The following RAB3C variants were observed in gnomAD, a reference collection of about 807,000 sequenced individuals.
RAB3C encodes the protein RAB3C, member RAS oncogene family, also known as ras-related protein Rab-3C.
In RAB3C, 17 loss-of-function variants were observed where a neutral mutation model predicts 26.4. That is an observed-to-expected ratio of 0.64 (90% CI 0.44 to 0.97). The LOEUF is 0.97. Ranked by LOEUF, RAB3C falls within the 50% of genes least tolerant of loss-of-function variation. RAB3C has a pLI of 0.00. For missense variants in RAB3C, 242 were observed against 281.9 expected (o/e 0.86, Z 1.01); for synonymous variants, 91 against 95.9 (o/e 0.95, Z 0.30).
At position 58,857,327 on chromosome 5, in the gene RAB3C, G is replaced by A. The variant is rs1744286271; in HGVS notation, c.*5976G>A. The stretch of plus-strand genomic sequence containing the variant: ...TATAAAACCAAACATTTAGTATCTG[G>A]AAATATGTGTCAATTTTATCTCTTA... On this transcript the variant is annotated 3_prime_UTR_variant, in exon 5 of 5. Coordinates refer to ENST00000282878, the MANE Select transcript of RAB3C (RefSeq NM_138453.4). 1 of 152,060 alleles carries A rather than the reference G, an allele frequency of 6.6e-6. No homozygotes were observed. Among genetic ancestry groups the A allele is most frequent in the African/African-American group, 2.4e-5 (1 of 41,412 alleles). 9.4% of individuals were successfully genotyped at this position (152,060 alleles called of 1,614,324 possible).
chr5:58,682,699 A>AAT (rs1164890300), intron 2 of RAB3C, among the ~76,000 whole-genome samples: 3 of 151,632 alleles, frequency 2.0e-5, no homozygotes, highest in Admixed American at 6.6e-5. Context: ...GAAAAAAGAA[A>AAT]AAAAAAAAAA....
chr5:58,818,645 T>A (rs559270305), intron 3 of RAB3C, among the ~76,000 whole-genome samples: 1 of 152,362 alleles, frequency 6.6e-6, no homozygotes, highest in Non-Finnish European at 1.5e-5. Flanking sequence ...TCCATTAATC[T>A]TGTTGAGATT....
chr5:58,683,244 A>C (rs780625971), intron 2 of RAB3C, among the ~76,000 whole-genome samples: 16 of 152,248 alleles, frequency 1.1e-4, no homozygotes, highest in Non-Finnish European at 1.9e-4. Flanking sequence ...CACTTTTATA[A>C]GTTTTAAAGC....
chr5:58,845,193 G>A (rs1743961718), intron 4 of RAB3C, among the ~76,000 whole-genome samples: 1 of 152,158 alleles, frequency 6.6e-6, no homozygotes, highest in Non-Finnish European at 1.5e-5. Flanking sequence ...CTGGCCTAAG[G>A]CCCTGCTTGC....
chr5:58,679,105 G>A (rs915700841), intron 2 of RAB3C, among the ~76,000 whole-genome samples: 24 of 152,174 alleles, frequency 1.6e-4, no homozygotes, highest in African/African-American at 5.6e-4. Flanking sequence ...ACAAGAACAC[G>A]ATGTGGTAGT....
At chr5:58,669,128 G>A (rs952849508) in intron 2 of RAB3C, among the ~76,000 whole-genome samples, 2 of 151,934 alleles carry the variant, frequency 1.3e-5, no homozygotes, top group Non-Finnish European at 2.9e-5. Context: ...TGAGAGTCAG[G>A]GCTCAAAATA....
chr5:58,792,959 T>C (rs1323650263), intron 3 of RAB3C, among the ~76,000 whole-genome samples: 1 of 152,180 alleles, frequency 6.6e-6, no homozygotes, highest in African/African-American at 2.4e-5. Flanking sequence ...TTGATTCTCA[T>C]GTTTGCTAGC....
chr5:58,642,391 CTCTTA>C (rs1187176297), intron 2 of RAB3C, among the ~76,000 whole-genome samples: 1 of 152,176 alleles, frequency 6.6e-6, no homozygotes, highest in African/African-American at 2.4e-5. Context: ...CTTTCTTTCT[CTCTTA>C]TAACTATTTC....
At chr5:58,682,497 A>G (rs1250481756) in intron 2 of RAB3C, among the ~76,000 whole-genome samples, 2 of 152,042 alleles carry the variant, frequency 1.3e-5, no homozygotes, top group Non-Finnish European at 2.9e-5. Context: ...ACCCTGGCTA[A>G]CATGGTGAAA....
At position 58,851,529 on chromosome 5, in the gene RAB3C, G is replaced by A. The variant is rs183076173; in HGVS notation, c.*178G>A. 38 of 475,770 alleles carry A rather than the reference G, an allele frequency of 8.0e-5. No homozygotes were observed. The highest frequency in any genetic ancestry group is 3.6e-6 in the Non-Finnish European group (1 of 276,640). The allele number at this position is 475,770 out of a possible 1,614,324, so 29.5% of individuals were successfully genotyped here. ...TTCCTGTTTAATATGTGGCAAATAT[G>A]TGATCTTAAATTTATAAGGACTATC... On this transcript the variant is annotated 3_prime_UTR_variant, in exon 5 of 5. Coordinates refer to ENST00000282878, the MANE Select transcript of RAB3C (RefSeq NM_138453.4).
At chr5:58,790,689 C>T (rs747364897) in intron 3 of RAB3C, among the ~76,000 whole-genome samples, 4 of 152,146 alleles carry the variant, frequency 2.6e-5, no homozygotes, top group Non-Finnish European at 5.9e-5. Context: ...TTCAGAGGTT[C>T]ACACTCTACA....
intron 3 of RAB3C, among the ~76,000 whole-genome samples, chr5:58,747,334 C>A: frequency 1.3e-5 from 2 of 152,178 alleles, no homozygotes; most frequent in Admixed American, 1.3e-4. Context: ...GGGACATATA[C>A]TAAAAATTAT....
chr5:58,675,876 C>T (rs983053969), intron 2 of RAB3C, among the ~76,000 whole-genome samples: 1 of 152,096 alleles, frequency 6.6e-6, no homozygotes, highest in South Asian at 2.1e-4. Flanking sequence ...CCTCTGGTCT[C>T]CTGGGTGGGT....
intron 2 of RAB3C, among the ~76,000 whole-genome samples, chr5:58,626,502 T>C (rs1201385379): frequency 1.3e-5 from 2 of 152,170 alleles, no homozygotes; most frequent in Non-Finnish European, 2.9e-5. Flanking sequence ...CACACAGTGG[T>C]TTTGTGATCA....
At chr5:58,780,614 G>T (rs955443458) in intron 3 of RAB3C, among the ~76,000 whole-genome samples, 1 of 152,058 alleles carries the variant, frequency 6.6e-6, no homozygotes, top group Non-Finnish European at 1.5e-5. Flanking sequence ...ACTGGCTCCA[G>T]GTATTACCTT....
At chr5:58,826,030 G>A (rs748174030) in intron 4 of RAB3C, among the ~76,000 whole-genome samples, 1 of 152,174 alleles carries the variant, frequency 6.6e-6, no homozygotes, top group Non-Finnish European at 1.5e-5. Context: ...ACAGGTCAAT[G>A]AGGAGATAAG....
chr5:58,834,750 G>A (rs750257772), intron 4 of RAB3C, among the ~76,000 whole-genome samples: 1 of 152,150 alleles, frequency 6.6e-6, no homozygotes, highest in Non-Finnish European at 1.5e-5. Context: ...AACCAACATT[G>A]TACATTTTAA....
chr5:58,768,420 C>T (rs752542860), intron 3 of RAB3C, among the ~76,000 whole-genome samples: 54 of 126,952 alleles, frequency 4.3e-4, no homozygotes, highest in African/African-American at 1.0e-3. Context: ...GTGCCTAATA[C>T]GTACCAGCCA....
chr5:58,833,251 G>A (rs901858840), intron 4 of RAB3C, among the ~76,000 whole-genome samples: 5 of 151,328 alleles, frequency 3.3e-5, no homozygotes, highest in African/African-American at 1.2e-4. Context: ...GAGGCCTAAA[G>A]CAGGGGTTCC....
Sources: allele counts gnomAD v4.1 joint callset (sites outside exome capture counted in the v4.1 genomes callset), GRCh38; gene constraint gnomAD v4.1.1; transcripts MANE v1.5; gene names NCBI Gene and HGNC (gene_info 2026-07-23, HGNC 2026-07-21).